NCAM2: variants seen among roughly 807,000 people sequenced by gnomAD.
NCAM2 encodes neural cell adhesion molecule 2.
Under a neutral mutation model 98.1 loss-of-function variants are expected in NCAM2, and 30 were observed. The ratio of observed to expected loss-of-function variants is 0.31; its 90% confidence interval spans 0.23 to 0.41. The LOEUF is 0.41. NCAM2 is among the 10% of genes least tolerant of loss of function. The probability of loss-of-function intolerance (pLI) is 1.00; values close to 1 mark genes in which losing one functional copy is unlikely to be tolerated. For synonymous variants in NCAM2, 368 were observed against 342.4 expected (o/e 1.07, Z -0.83); for missense variants, 867 against 1,005.8 (o/e 0.86, Z 1.87).
At chr21:21,457,146 A>G (rs1982265258) in intron 12 of NCAM2, among the ~76,000 whole-genome samples, 1 of 152,036 alleles carries the variant, frequency 6.6e-6, no homozygotes, top group Non-Finnish European at 1.5e-5. Flanking sequence ...CATTGCCTCA[A>G]ATAGACTATT....
chr21:21,440,105 G>A (rs983626503), intron 12 of NCAM2, among the ~76,000 whole-genome samples: 2 of 152,156 alleles, frequency 1.3e-5, no homozygotes, highest in African/African-American at 4.8e-5. Context: ...CGCTGCTGAT[G>A]TAGAGATTTC....
At chr21:21,036,855 A>G (rs1431680917) in intron 1 of NCAM2, among the ~76,000 whole-genome samples, 7 of 152,214 alleles carry the variant, frequency 4.6e-5, no homozygotes, top group Non-Finnish European at 2.9e-5. Context: ...AATCTTTCCT[A>G]GTTCCAGAGA....
intron 10 of NCAM2, among the ~76,000 whole-genome samples, chr21:21,416,285 G>T (rs530696357): frequency 6.6e-6 from 1 of 152,094 alleles, no homozygotes; most frequent in Non-Finnish European, 1.5e-5. Context: ...TGTCTTAGGG[G>T]CACAGTTTGT....
At chr21:21,016,208 C>T (rs1481579516) in intron 1 of NCAM2, among the ~76,000 whole-genome samples, 1 of 152,062 alleles carries the variant, frequency 6.6e-6, no homozygotes, top group Non-Finnish European at 1.5e-5. Context: ...CTGCCTCCCT[C>T]GAAGTACATG....
intron 1 of NCAM2, among the ~76,000 whole-genome samples, chr21:21,222,285 G>A (rs1004987357): frequency 5.9e-5 from 9 of 152,152 alleles, no homozygotes; most frequent in Admixed American, 5.2e-4. Flanking sequence ...ACAGTTCATG[G>A]ATCAAGCAGT....
chr21:21,233,340 T>G (rs1196918987), intron 1 of NCAM2, among the ~76,000 whole-genome samples: 2 of 151,666 alleles, frequency 1.3e-5, no homozygotes, highest in Non-Finnish European at 3.0e-5. Flanking sequence ...TACATTTTTC[T>G]CAGTTTATGT....
chr21:21,176,655 G>A (rs897209922), intron 1 of NCAM2, among the ~76,000 whole-genome samples: 3 of 152,018 alleles, frequency 2.0e-5, no homozygotes, highest in African/African-American at 7.2e-5. Flanking sequence ...CAGTTTTTAA[G>A]TCAGAATATT....
intron 5 of NCAM2, among the ~76,000 whole-genome samples, chr21:21,323,022 C>T (rs1376302058): frequency 6.6e-6 from 1 of 152,054 alleles, no homozygotes; most frequent in Non-Finnish European, 1.5e-5. Flanking sequence ...GAATACAAAT[C>T]CATGAAAGAA....
chr21:21,352,803 TAA>T lies in NCAM2; in HGVS notation c.1044+14279_1044+14280del, dbSNP rs202122817. Among the ~76,000 whole-genome samples, 11 of 96,026 alleles carry T rather than the reference TAA, an allele frequency of 1.1e-4. No individual in the cohort carries two copies. The East Asian group carries it at 1.8e-3, about 15-fold the overall frequency. 63.0% of individuals were successfully genotyped at this position (96,026 alleles called of 152,430 possible). ...CACATGTACCCTAAAACTTAAAGTA[TAA>T]AAAAAAAAAGATTAGAAAATTAAAA... On this transcript the variant is annotated intron_variant, in intron 8 of 17. Transcript: ENST00000400546.
intron 9 of NCAM2, among the ~76,000 whole-genome samples, chr21:21,394,244 T>C (rs11702428): frequency 0.16 from 24,031 of 152,084 alleles, 2,831 homozygotes; most frequent in African/African-American, 0.32. Context: ...CAGTTAATTG[T>C]CATAGCTTTT....
intron 15 of NCAM2, among the ~76,000 whole-genome samples, chr21:21,503,404 G>A (rs1260608685): frequency 6.6e-6 from 1 of 151,862 alleles, no homozygotes; most frequent in Non-Finnish European, 1.5e-5. Context: ...CAGCTCCTAA[G>A]TAACTAAGAG....
chr21:21,011,487 T>A (rs1228947071), intron 1 of NCAM2, among the ~76,000 whole-genome samples: 2 of 152,194 alleles, frequency 1.3e-5, no homozygotes, highest in East Asian at 3.9e-4. Flanking sequence ...ATATTTACAG[T>A]ATATGGCATG....
chr21:21,285,984 G>A (rs1420668594), intron 3 of NCAM2, among the ~76,000 whole-genome samples: 2 of 151,900 alleles, frequency 1.3e-5, no homozygotes, highest in African/African-American at 4.8e-5. Flanking sequence ...CAGTTTTCCT[G>A]AGTGACAAGG....
At chr21:21,417,176 C>T (rs1435094081) in intron 10 of NCAM2, among the ~76,000 whole-genome samples, 2 of 152,080 alleles carry the variant, frequency 1.3e-5, no homozygotes, top group Non-Finnish European at 2.9e-5. Flanking sequence ...ACATTCTTCT[C>T]TGTTGAATTT....
chr21:21,536,431 G>A (rs1457579095), intron 17 of NCAM2, among the ~76,000 whole-genome samples: 1 of 142,690 alleles, frequency 7.0e-6, no homozygotes, highest in African/African-American at 2.6e-5. Context: ...CGCTCTTGTT[G>A]CCCAGGCTGG....
At chr21:21,138,779 G>T (rs553815337) in intron 1 of NCAM2, among the ~76,000 whole-genome samples, 33 of 152,066 alleles carry the variant, frequency 2.2e-4, no homozygotes, top group African/African-American at 7.7e-4. Flanking sequence ...TACCAAAATA[G>T]ATATATATAT....
chr21:21,480,578 CAGAG>C (rs1280683647), intron 15 of NCAM2, among the ~76,000 whole-genome samples: 5 of 151,800 alleles, frequency 3.3e-5, no homozygotes, highest in Non-Finnish European at 7.4e-5. Flanking sequence ...TAGATAAGGT[CAGAG>C]AGGGAATGCA....
At chr21:21,265,306 C>G (rs530110289) in intron 1 of NCAM2, among the ~76,000 whole-genome samples, 5 of 125,726 alleles carry the variant, frequency 4.0e-5, no homozygotes, top group African/African-American at 1.4e-4. Context: ...TACGTGTATA[C>G]ATACACGTAT....
intron 1 of NCAM2, among the ~76,000 whole-genome samples, chr21:21,253,646 C>T (rs1240461904): frequency 6.6e-6 from 1 of 152,126 alleles, no homozygotes; most frequent in African/African-American, 2.4e-5. Context: ...TCTTTATAAG[C>T]AACATAATTT....
Sources: gnomAD v4.1 joint callset for allele counts (sites outside exome capture counted in the v4.1 genomes callset) on GRCh38, gnomAD v4.1.1 for gene constraint, MANE v1.5 for transcripts, NCBI Gene and HGNC (gene_info 2026-07-23, HGNC 2026-07-21) for gene names.